Variants in KDM4A observed in about 807,000 individuals in gnomAD.
KDM4A encodes lysine-specific demethylase 4A.
A neutral mutation model predicts 127.1 loss-of-function variants in KDM4A; 23 were observed. The observed-to-expected ratio is 0.18, with a 90% confidence interval of 0.13 to 0.26. The LOEUF (loss-of-function observed/expected upper bound fraction) is 0.26. KDM4A is among the 10% of genes least tolerant of loss of function. The pLI is 1.00. For synonymous variants in KDM4A, 443 were observed against 466.5 expected (o/e 0.95, Z 0.65); for missense variants, 890 against 1,329.1 (o/e 0.67, Z 5.14).
At chr1:43,683,901 G>A (rs1660913748) in intron 12 of KDM4A, 97 bp downstream of exon 12, 4 of 1,398,152 alleles carry the variant, frequency 2.9e-6, no homozygotes, top group Middle Eastern at 1.9e-4. Context: ...GATAAGGGTG[G>A]GCCTGTGGCT....
intron 5 of KDM4A, 26 bp from the exon 6 acceptor site, chr1:43,665,670 C>CTT: frequency 6.2e-7 from 1 of 1,613,134 alleles, no homozygotes; most frequent in Non-Finnish European, 8.5e-7. Flanking sequence ...CTCCACCCAG[C>CTT]CTCTGATGCT....
chr1:43,694,111 T>C lies in KDM4A; in HGVS notation c.2484+9T>C. On this transcript the variant is annotated intron_variant, in intron 17 of 21. Transcript: ENST00000372396. The surrounding 1 kb of genome is among the most constrained non-coding windows in gnomAD (Gnocchi z 5.2). Reference sequence around the variant, plus strand: ...TGCCCCGCTTCAAACTGGTAAGGGCTTGTAGACTCTACATAATTTCCCGAC... The same window carrying C: ...TGCCCCGCTTCAAACTGGTAAGGGCCTGTAGACTCTACATAATTTCCCGAC... The C allele has an allele frequency of 6.3e-7, 1 of 1,597,166 alleles. No individual in the cohort carries two copies. Among genetic ancestry groups the C allele is most frequent in the Non-Finnish European group, 8.6e-7 (1 of 1,164,728 alleles).
intron 10 of KDM4A, among the ~76,000 whole-genome samples, chr1:43,669,870 C>T (rs141732091): frequency 1.5e-3 from 231 of 152,160 alleles, no homozygotes; most frequent in African/African-American, 5.3e-3. Flanking sequence ...CCAGGCTGAT[C>T]TTGAACTCCT....
At chr1:43,654,466 TTTTTCTTTTTTC>T (rs1206794568) in intron 2 of KDM4A, among the ~76,000 whole-genome samples, 1 of 152,080 alleles carries the variant, frequency 6.6e-6, no homozygotes, top group Non-Finnish European at 1.5e-5. Context: ...TTTCTTTTTT[TTTTTCTTTTTTC>T]CTTTTTAACA....
intron 12 of KDM4A, among the ~76,000 whole-genome samples, chr1:43,687,269 G>A (rs1436713663): frequency 6.6e-6 from 1 of 152,188 alleles, no homozygotes; most frequent in Admixed American, 6.5e-5. Flanking sequence ...TATGAGGGCA[G>A]CGTAGAATAC....
chr1:43,703,416 C>G, intron 19 of KDM4A: 1 of 430,762 alleles, frequency 2.3e-6, no homozygotes, highest in African/African-American at 2.1e-5. Context: ...TTTTTGGTCA[C>G]CTAGAAGCAG....
At chr1:43,670,556 A>ATTTTTTTTTT (rs35331772) in intron 10 of KDM4A, among the ~76,000 whole-genome samples, 2 of 76,162 alleles carry the variant, frequency 2.6e-5, no homozygotes, top group Non-Finnish European at 5.1e-5. Context: ...CGCCTGGCTA[A>ATTTTTTTTTT]TTTTTTTTTT....
At chr1:43,660,233 T>C in intron 3 of KDM4A, 65 bp from the exon 4 acceptor site, 1 of 1,523,348 alleles carries the variant, frequency 6.6e-7, no homozygotes, top group Non-Finnish European at 9.1e-7. Context: ...TTATGTCTTG[T>C]AATGTTCATA....
chr1:43,666,625 T>A, intron 7 of KDM4A, 70 bp downstream of exon 7: 2 of 1,242,504 alleles, frequency 1.6e-6, no homozygotes, highest in Non-Finnish European at 2.4e-6. Flanking sequence ...AGTTTTATTC[T>A]AGTTCATCAC....
chr1:43,687,824 A>G (rs1045895738), intron 12 of KDM4A, among the ~76,000 whole-genome samples: 1 of 152,178 alleles, frequency 6.6e-6, no homozygotes, highest in Non-Finnish European at 1.5e-5. Context: ...ACTCAGCAGT[A>G]TGTCCCCTTT....
chr1:43,654,729 GTGTGTGTGTGT>G (rs1413271377), intron 2 of KDM4A, among the ~76,000 whole-genome samples: 285 of 75,314 alleles, frequency 3.8e-3, no homozygotes, highest in East Asian at 6.5e-3. Flanking sequence ...GTGTGTGTGT[GTGTGTGTGTGT>G]TGTTTTCTCC....
In KDM4A at chr1:43,655,756, A is replaced by G. The variant is rs1348949193; in HGVS notation, c.304A>G (p.Asn102Asp). Residue 102 changes from asparagine (N) to aspartate (D), a missense_variant, in exon 3 of 22, where the codon AAT (asparagine) becomes GAT (aspartate). Around this residue, in one of 7 missense-constraint regions of KDM4A, gnomAD observed 41 missense variants for 40.8 expected, o/e 1.00. Coordinates refer to ENST00000372396, the MANE Select transcript of KDM4A (RefSeq NM_014663.3). ...TGTTCGAGAGTTCCGCAAGATAGCC[A>G]ATAGCGATAAGTGAGTGGAAACCCT... ...MTVREFRKIANSDKYCTPRYS... is the reference protein window; with the variant it reads ...MTVREFRKIADSDKYCTPRYS... 2 of 1,610,576 alleles carry G rather than the reference A, an allele frequency of 1.2e-6. No homozygotes were observed. Among genetic ancestry groups the G allele is most frequent in the South Asian group, 1.1e-5 (1 of 90,492 alleles).
chr1:43,666,399 T>C (rs996448601), intron 6 of KDM4A, 53 bp from the exon 7 acceptor site: 1 of 1,415,688 alleles, frequency 7.1e-7, no homozygotes, highest in Non-Finnish European at 1.0e-6. Context: ...GACTCCAGGA[T>C]TGCGGAGCTA....
At chr1:43,675,527 C>A (rs954552969) in intron 11 of KDM4A, among the ~76,000 whole-genome samples, 2 of 152,124 alleles carry the variant, frequency 1.3e-5, no homozygotes, top group African/African-American at 4.8e-5. Flanking sequence ...TCTAAATGCT[C>A]ATGATAACTC....
intron 2 of KDM4A, 142 bp downstream of exon 2, chr1:43,653,455 T>A: frequency 1.4e-6 from 1 of 709,588 alleles, no homozygotes; most frequent in Non-Finnish European, 2.2e-6. Context: ...ATTTGCAAGT[T>A]AATTCCCGTT....
At chr1:43,655,841 T>A in intron 3 of KDM4A, 75 bp downstream of exon 3, 4 of 1,260,396 alleles carry the variant, frequency 3.2e-6, no homozygotes, top group Non-Finnish European at 4.4e-6. Flanking sequence ...TCTCCAGGAC[T>A]GCTGCTGTCC....
In KDM4A at chr1:43,704,277, G is replaced by C. The variant is rs771307238; in HGVS notation, c.3102G>C (p.Glu1034Asp). 18 of 1,613,978 alleles carry C rather than the reference G, an allele frequency of 1.1e-5. No homozygotes were observed. The highest frequency in any genetic ancestry group is 1.7e-5 in the Admixed American group (1 of 59,994). ...MRFNEIFTEKEVKQEKKRQRV... is the reference protein window; with the variant it reads ...MRFNEIFTEKDVKQEKKRQRV... ...TCAATGAGATTTTCACAGAGAAAGA[G>C]GTTAAGCAAGAAAAGAAACGGCAAC... is the stretch of plus-strand genomic sequence containing the variant. Residue 1034 changes from glutamate to aspartate, a missense_variant, in exon 22 of 22, where the codon GAG becomes GAC. This residue lies in a region of KDM4A where 246 missense variants were observed against 418.4 expected (regional missense o/e 0.59). Coordinates refer to ENST00000372396, the MANE Select transcript of KDM4A (RefSeq NM_014663.3).
At chr1:43,689,261 A>T (rs1450520041) in intron 13 of KDM4A, among the ~76,000 whole-genome samples, 166 bp downstream of exon 13, 1 of 152,164 alleles carries the variant, frequency 6.6e-6, no homozygotes, top group African/African-American at 2.4e-5. Flanking sequence ...CAGGCAGATA[A>T]CCCAGCAACG....
Position 43,704,393 on chromosome 1 carries a change from T to A in KDM4A, c.*23T>A, listed in dbSNP as rs762609549. On this transcript the variant is annotated 3_prime_UTR_variant, in exon 22 of 22. Transcript: ENST00000372396. ...TAGGTGCTTCCAGGGTCCAAGGGAT[T>A]CTCAGCCATCCAGGCAAGAGCACTC... The A allele has an allele frequency of 8.7e-6, 14 of 1,606,450 alleles. No homozygotes were observed. The East Asian group carries it at 2.0e-4, about 23-fold the overall frequency.
Sources: gnomAD v4.1 joint callset for allele counts (sites outside exome capture counted in the v4.1 genomes callset) on GRCh38, gnomAD v4.1.1 for gene constraint, gnomAD v4.1.1 regional missense constraint, Gnocchi (gnomAD v3.1) non-coding constraint, MANE v1.5 for transcripts, NCBI Gene and HGNC (gene_info 2026-07-23, HGNC 2026-07-21) for gene names.